Variants in CEP72 observed in about 807,000 individuals in gnomAD.
The protein encoded by CEP72 is centrosomal protein 72, also known as centrosomal protein of 72 kDa.
Under a neutral mutation model 65.7 loss-of-function variants are expected in CEP72, and 78 were observed. The observed-to-expected ratio is 1.19, with a 90% confidence interval of 0.99 to 1.43. The LOEUF is 1.43. CEP72 is among the 40% of genes most tolerant of loss of function. The probability of loss-of-function intolerance (pLI) is 0.00; values close to 1 mark genes in which losing one functional copy is unlikely to be tolerated. For synonymous variants in CEP72, 358 were observed against 351.7 expected (o/e 1.02, Z -0.20); for missense variants, 914 against 832.9 (o/e 1.10, Z -1.20).
intron 2 of CEP72, chr5:664,938 T>G: frequency 2.7e-6 from 2 of 737,938 alleles, no homozygotes; most frequent in Non-Finnish European, 4.3e-6. Flanking sequence ...GGGCATCCGG[T>G]AGGAGGAGGG....
chr5:625,749 C>A (rs976443081), intron 4 of CEP72, among the ~76,000 whole-genome samples: 2 of 152,142 alleles, frequency 1.3e-5, no homozygotes, highest in African/African-American at 4.8e-5. Flanking sequence ...CTGTTCCATG[C>A]CCCTCCTGGC....
In CEP72 at chr5:647,908, G is replaced by C. The variant is rs1380482556; in HGVS notation, c.1770G>C (p.Glu590Asp). 4.3e-6 allele frequency: 7 copies of C among 1,610,056 alleles called. No homozygotes were observed. The highest frequency in any genetic ancestry group is 5.9e-6 in the Non-Finnish European group (7 of 1,178,586). The change falls in exon 11 of 12, where the codon GAG (glutamate) becomes GAC (aspartate). Residue 590 changes from glutamate (E) to aspartate (D), a missense_variant. Transcript: ENST00000264935. Reference sequence around the variant, plus strand: ...AGGAGCTCACGCAGATGCTGCAGGAGAGCCACAGGTGCCTGCCCGTGAGAC... The same window carrying C: ...AGGAGCTCACGCAGATGCTGCAGGACAGCCACAGGTGCCTGCCCGTGAGAC... ...KIQELTQMLQ[E>D]SHSSLVSTNE...
In CEP72 at chr5:637,611, G is replaced by A. The variant is rs771434677; in HGVS notation, c.999G>A (p.Arg333=). 1.2e-6 allele frequency: 2 copies of A among 1,613,962 alleles called. No individual in the cohort carries two copies. The highest frequency in any genetic ancestry group is 2.7e-5 in the African/African-American group (2 of 74,934). ...CCCTGCCAGCCCCCGGAAAGTGCAG[G>A]AAGCGAAGAATGCCTGTTGGAAGAT... ...PGPLPAPGKC[R]KRRMPVGRFQ... The change falls in exon 7 of 12, where the codon AGG becomes AGA. Residue 333 remains arginine, a synonymous_variant. Transcript: ENST00000264935.
chr5:638,567 G>C lies in CEP72; in HGVS notation c.1207-522G>C, dbSNP rs899767814. 2.0e-5 allele frequency among the ~76,000 whole-genome samples: 3 copies of C among 152,004 alleles called. No individual in the cohort carries two copies. In the East Asian group the frequency reaches 5.9e-4, roughly 30 times the overall value. On this transcript the variant is annotated intron_variant, in intron 7 of 11. Transcript: ENST00000264935. Reference sequence around the variant, plus strand: ...CAGCTCCGTAGCAGCATGGGGTGGGGGGGGGTCCCAGAGCTGGGTGGGGCG... The same window carrying C: ...CAGCTCCGTAGCAGCATGGGGTGGGCGGGGGTCCCAGAGCTGGGTGGGGCG...
intron 1 of CEP72, among the ~76,000 whole-genome samples, chr5:613,397 G>T (rs1203266884): frequency 6.6e-6 from 1 of 151,960 alleles, no homozygotes; most frequent in African/African-American, 2.4e-5. Flanking sequence ...TTTAGACGGA[G>T]TCTCACTCTG....
intron 3 of CEP72, among the ~76,000 whole-genome samples, chr5:665,655 C>A (rs1222443793): frequency 2.1e-5 from 3 of 141,080 alleles, no homozygotes; most frequent in Non-Finnish European, 4.7e-5. Context: ...CAGGACCCCC[C>A]CAGGCCACGC....
chr5:639,053 T>G (rs1561049991), intron 7 of CEP72, 36 bp from the exon 8 acceptor site: 2 of 1,612,024 alleles, frequency 1.2e-6, no homozygotes, highest in Non-Finnish European at 1.7e-6. Flanking sequence ...CCTCAGTTAC[T>G]GACTCGCTGG....
chr5:614,151 G>T (rs1003356577), intron 1 of CEP72, among the ~76,000 whole-genome samples: 1 of 152,128 alleles, frequency 6.6e-6, no homozygotes, highest in East Asian at 1.9e-4. Flanking sequence ...ACCGACTTTG[G>T]GTTTGATTTT....
At chr5:618,407 A>G (rs1029052525) in intron 1 of CEP72, among the ~76,000 whole-genome samples, 1 of 91,442 alleles carries the variant, frequency 1.1e-5, no homozygotes, top group African/African-American at 3.9e-5. Context: ...GATTTATTCC[A>G]CAATAGGACA....
intron 9 of CEP72, chr5:641,949 CA>C (rs1738068325): frequency 1.1e-6 from 1 of 908,886 alleles, no homozygotes; most frequent in African/African-American, 2.2e-5. Context: ...GAAGCCTCTG[CA>C]TTTGAACACA....
rs1051006499 is a variant in CEP72 at position 641,104 on chromosome 5, C to T, written c.1539+500C>T. On this transcript the variant is annotated intron_variant, in intron 9 of 11. Transcript: ENST00000264935. ...CCTCAGGCTCAGCTCAGCCAGGCTC[C>T]CTCCTTCCGTCTCAGCCGTGGGCCG... 3.0e-6 allele frequency: 3 copies of T among 985,340 alleles called. No individual in the cohort carries two copies. The African/African-American group carries it at 5.2e-5, about 17-fold the overall frequency. The allele number at this position is 985,340 out of a possible 1,614,324, so 61.0% of individuals were successfully genotyped here.
intron 5 of CEP72, among the ~76,000 whole-genome samples, chr5:634,328 C>CAGACCTGT (rs760152947): frequency 3.9e-5 from 6 of 152,214 alleles, no homozygotes; most frequent in Non-Finnish European, 7.3e-5. Flanking sequence ...CCGCCACGTG[C>CAGACCTGT]AGACCTGTAG....
In CEP72 at chr5:653,217, G is replaced by T. The variant is rs369280621; in HGVS notation, c.*64G>T. ...GTAAAGTTACATTGTCTGCACCTTT[G>T]TACTTCTTTATTGAGTGTACTGGCT... On this transcript the variant is annotated 3_prime_UTR_variant, in exon 12 of 12. Transcript: ENST00000264935. 2.7e-4 allele frequency: 393 copies of T among 1,443,530 alleles called. 2 individuals carry two copies. In the South Asian group the frequency reaches 4.9e-3, roughly 18 times the overall value. 89.4% of individuals were successfully genotyped at this position (1,443,530 alleles called of 1,614,324 possible).
At chr5:644,166 T>G in intron 9 of CEP72, 133 bp from the exon 10 acceptor site, 1 of 975,754 alleles carries the variant, frequency 1.0e-6, no homozygotes, top group Non-Finnish European at 1.6e-6. Flanking sequence ...GAAACTGAAT[T>G]ACTGCCTTTC....
intron 9 of CEP72, chr5:641,191 G>C (rs976856948): frequency 1.0e-6 from 1 of 985,060 alleles, no homozygotes; most frequent in Non-Finnish European, 1.2e-6. Context: ...TGGGGCCACC[G>C]TCTCATCTGA....
chr5:649,824 GA>G (rs1738827747), intron 11 of CEP72, among the ~76,000 whole-genome samples: 1 of 63,416 alleles, frequency 1.6e-5, no homozygotes, highest in South Asian at 5.8e-4. Flanking sequence ...GTGAGGTGTG[GA>G]CTGTGAGGCG....
At chr5:671,018 G>A (rs181843776), downstream of CEP72, among the ~76,000 whole-genome samples, 12 of 152,254 alleles carry the variant, frequency 7.9e-5, no homozygotes, top group African/African-American at 2.9e-4. Context: ...GGCGGGCTGA[G>A]GGCCAGGGCC....
chr5:647,843 G>C lies in CEP72; in HGVS notation c.1705G>C (p.Val569Leu), dbSNP rs1401237349. ...TGTGAAGAGGCTGTGTGGCGAGATT[G>C]TGGAACTGAAGCAGCACCTGGAGCA... ...TSVKRLCGEI[V>L]ELKQHLEHYD... Residue 569 changes from valine to leucine, a missense_variant, in exon 11 of 12, where the codon GTG (valine) becomes CTG (leucine). Val to Leu is a conservative substitution (Grantham distance 32). Transcript: ENST00000264935. The C allele has an allele frequency of 8.7e-6, 14 of 1,612,524 alleles. No homozygotes were observed. The East Asian group carries it at 2.9e-4, about 33-fold the overall frequency.
At chr5:618,604 C>T (rs1736147634) in intron 1 of CEP72, among the ~76,000 whole-genome samples, 1 of 151,866 alleles carries the variant, frequency 6.6e-6, no homozygotes, top group Non-Finnish European at 1.5e-5. Flanking sequence ...ACAGCAGGGG[C>T]CGGGGGGAGT....
Sources: allele counts gnomAD v4.1 joint callset (sites outside exome capture counted in the v4.1 genomes callset), GRCh38; gene constraint gnomAD v4.1.1; transcripts MANE v1.5; gene names NCBI Gene and HGNC (gene_info 2026-07-23, HGNC 2026-07-21).